FAM234A: variants seen among roughly 807,000 people sequenced by gnomAD.
FAM234A encodes the protein protein FAM234A.
A neutral mutation model predicts 49.1 loss-of-function variants in FAM234A; 42 were observed. That is an observed-to-expected ratio of 0.86 (90% CI 0.67 to 1.11). The LOEUF (loss-of-function observed/expected upper bound fraction) is 1.11. FAM234A is among the 50% of genes least tolerant of loss of function. FAM234A has a pLI of 0.00. For missense variants in FAM234A, 815 were observed against 745.2 expected (o/e 1.09, Z -1.09); for synonymous variants, 369 against 316.2 (o/e 1.17, Z -1.77).
At chr16:239,151 T>C (rs1402134791) in intron 1 of FAM234A, among the ~76,000 whole-genome samples, 1 of 110,734 alleles carries the variant, frequency 9.0e-6, no homozygotes, top group African/African-American at 3.7e-5. Context: ...ATACAAAAAA[T>C]TAGCCGGGCA....
At position 236,681 on chromosome 16, in the gene FAM234A, C is replaced by T. The variant is rs187536973; in HGVS notation, c.-140+1824C>T. The stretch of plus-strand genomic sequence containing the variant: ...CAGCACTTTGGGAGGGCGAGGCGGG[C>T]GGATCACGAGGTCAGGAGATCGAGA... On this transcript the variant is annotated intron_variant, in intron 1 of 12. Coordinates refer to ENST00000399932, the MANE Select transcript of FAM234A (RefSeq NM_032039.4). 5.1e-3 allele frequency among the ~76,000 whole-genome samples: 771 copies of T among 150,410 alleles called. 41 individuals carry two copies. The East Asian group carries it at 0.11, about 22-fold the overall frequency.
downstream of FAM234A, chr16:269,316 C>T (rs182698513): frequency 6.3e-7 from 1 of 1,597,992 alleles, no homozygotes; most frequent in African/African-American, 1.3e-5. Flanking sequence ...GCTGTGGGCT[C>T]CACAGGGGTG....
intron 1 of FAM234A, among the ~76,000 whole-genome samples, chr16:240,500 G>A (rs1304564402): frequency 3.4e-5 from 5 of 147,862 alleles, no homozygotes; most frequent in South Asian, 2.2e-4. Context: ...GCATCTGGGT[G>A]TATTTTTTTT....
In FAM234A at chr16:265,741, G is replaced by C; in HGVS notation, c.*719G>C. On this transcript the variant is annotated 3_prime_UTR_variant, in exon 13 of 13. Transcript: ENST00000399932. ...AGGTGTCCTTAGTGGTGTTGCAGCT[G>C]TCTACTGGCTGCATGTGCTGTGAAT... 1 of 985,622 alleles carries C rather than the reference G, an allele frequency of 1.0e-6. No homozygotes were observed. Among genetic ancestry groups the C allele is most frequent in the Non-Finnish European group, 1.2e-6 (1 of 830,096 alleles). 61.1% of individuals were successfully genotyped at this position (985,622 alleles called of 1,614,324 possible). A position where few individuals can be genotyped will look rare whatever the true frequency, so the allele number is the denominator to read the frequency against.
chr16:265,161 T>G lies in FAM234A; in HGVS notation c.*139T>G. The G allele has an allele frequency of 7.0e-7, 1 of 1,432,852 alleles. No individual in the cohort carries two copies. The highest frequency in any genetic ancestry group is 9.1e-7 in the Non-Finnish European group (1 of 1,097,032). The allele number at this position is 1,432,852 out of a possible 1,614,324, so 88.8% of individuals were successfully genotyped here. A position where few individuals can be genotyped will look rare whatever the true frequency, so the allele number is the denominator to read the frequency against. ...TGGTCGCCACTGGGCAGCAGCAGCC[T>G]TACCAGTCCTCCATGATCACACCCA... On this transcript the variant is annotated 3_prime_UTR_variant, in exon 13 of 13. Transcript: ENST00000399932.
intron 2 of FAM234A, among the ~76,000 whole-genome samples, chr16:251,688 T>TG (rs1392236467): frequency 6.7e-5 from 9 of 134,926 alleles, no homozygotes; most frequent in African/African-American, 3.1e-4. Context: ...GGTTTTTTTT[T>TG]TTTTTTTTTT....
intron 2 of FAM234A, 23 bp from the exon 3 acceptor site, chr16:254,358 G>T: frequency 6.3e-7 from 1 of 1,595,756 alleles, no homozygotes; most frequent in South Asian, 1.1e-5. Flanking sequence ...TGGCCTCGCC[G>T]ACCTCTTGCT....
chr16:245,459 G>A (rs955368384), intron 1 of FAM234A, among the ~76,000 whole-genome samples: 2 of 152,222 alleles, frequency 1.3e-5, no homozygotes, highest in Admixed American at 1.3e-4. Flanking sequence ...GTGCTCTTCA[G>A]TGAACTGCCC....
chr16:238,952 C>T (rs1453597184), intron 1 of FAM234A, among the ~76,000 whole-genome samples: 11 of 128,972 alleles, frequency 8.5e-5, no homozygotes, highest in South Asian at 2.7e-4. Flanking sequence ...TGTCATGGCA[C>T]GTGCCTGTAG....
intron 1 of FAM234A, among the ~76,000 whole-genome samples, chr16:236,019 G>A (rs947978315): frequency 1.3e-5 from 2 of 152,076 alleles, no homozygotes; most frequent in Admixed American, 1.3e-4. Context: ...TGCGTATGGT[G>A]GCAGGTGCCG....
At position 254,549 on chromosome 16, in the gene FAM234A, C is replaced by T. The variant is rs755791137; in HGVS notation, c.136C>T (p.Arg46Trp). Residue 46 changes from arginine to tryptophan, a missense_variant, in exon 3 of 13, where the codon CGG becomes TGG. Transcript: ENST00000399932. ...CGCGCCTCCACAGTCCCGGCTCTCC[C>T]GGTGCCGAGCGGCGGCGTTTTTTCT... is the stretch of plus-strand genomic sequence containing the variant. ...KSAPPQSRLS[R>W]CRAAAFFLSL... 14 of 1,614,240 alleles carry T rather than the reference C, an allele frequency of 8.7e-6. No individual in the cohort carries two copies. In the East Asian group the frequency reaches 1.6e-4, roughly 18 times the overall value.
At chr16:269,481 A>AC (rs2051817526), downstream of FAM234A, 2 of 1,611,332 alleles carry the variant, frequency 1.2e-6, no homozygotes, top group Non-Finnish European at 1.7e-6. Context: ...GCCGCCGGCC[A>AC]CAGGGCACTG....
rs759071082 is a variant in FAM234A, at chr16:257,236, CTTTTT to C, written c.269-2225_269-2221del. On this transcript the variant is annotated intron_variant, in intron 3 of 12. Coordinates refer to ENST00000399932, the MANE Select transcript of FAM234A (RefSeq NM_032039.4). ...TAAAAGCTTTTAGTTTCAATGAAGT[CTTTTT>C]TTTTTTTTTTTTTTTTTTTTTGGAG... is the stretch of plus-strand genomic sequence containing the variant. Among the ~76,000 whole-genome samples, 51 of 89,010 alleles carry C rather than the reference CTTTTT, an allele frequency of 5.7e-4. No homozygotes were observed. In the East Asian group the frequency reaches 0.012, roughly 20 times the overall value. The allele number at this position is 89,010 out of a possible 152,430, so 58.4% of individuals were successfully genotyped here.
chr16:264,210 G>A lies in FAM234A; in HGVS notation c.1344+39G>A, dbSNP rs114724570. The A allele has an allele frequency of 3.1e-4, 476 of 1,549,748 alleles. 1 individual carries two copies. The highest frequency in any genetic ancestry group is 2.1e-3 in the African/African-American group (157 of 74,014). On this transcript the variant is annotated intron_variant, in intron 11 of 12. Transcript: ENST00000399932. ...CCTCGGAGCAGCCATGCTGGGAGCC[G>A]GGGCCAGAGACCCAGGCTGGAGCTC...
intron 2 of FAM234A, among the ~76,000 whole-genome samples, 174 bp downstream of exon 2, chr16:249,828 T>A (rs964855026): frequency 6.6e-6 from 1 of 152,126 alleles, no homozygotes; most frequent in Admixed American, 6.5e-5. Flanking sequence ...GCTGCAATTT[T>A]AAAGCTCTTA....
chr16:265,877 G>A lies in FAM234A; in HGVS notation c.*855G>A, dbSNP rs575996501. Reference sequence around the variant, plus strand: ...GCCCCGTGCCCCAGGCATGGCAAGCGCCTGCCTCTCCCCTTCCGGTGCTCA... The same window carrying A: ...GCCCCGTGCCCCAGGCATGGCAAGCACCTGCCTCTCCCCTTCCGGTGCTCA... On this transcript the variant is annotated 3_prime_UTR_variant, in exon 13 of 13. Coordinates refer to ENST00000399932, the MANE Select transcript of FAM234A (RefSeq NM_032039.4). 17 of 986,040 alleles carry A rather than the reference G, an allele frequency of 1.7e-5. No individual in the cohort carries two copies. The Admixed American group carries it at 4.3e-4, about 25-fold the overall frequency. The allele number at this position is 986,040 out of a possible 1,614,324, so 61.1% of individuals were successfully genotyped here. A position where few individuals can be genotyped will look rare whatever the true frequency, so the allele number is the denominator to read the frequency against.
chr16:252,292 C>T (rs1472615502), intron 2 of FAM234A, among the ~76,000 whole-genome samples: 2 of 151,246 alleles, frequency 1.3e-5, no homozygotes, highest in Non-Finnish European at 2.9e-5. Flanking sequence ...AGCCATTCTC[C>T]TGCCTCAGCC....
At position 245,933 on chromosome 16, in the gene FAM234A, G is replaced by A. The variant is rs145102818; in HGVS notation, c.-139-3616G>A. On this transcript the variant is annotated intron_variant, in intron 1 of 12. Transcript: ENST00000399932. ...ATAATGTTTACATTTTTGGCCAGGC[G>A]CAGTGGCTCACGCCTGTAATCCCAG... 2.8e-3 allele frequency among the ~76,000 whole-genome samples: 431 copies of A among 152,070 alleles called. 1 individual carries two copies. Among genetic ancestry groups the A allele is most frequent in the Non-Finnish European group, 4.8e-3 (328 of 68,004 alleles).
At chr16:244,181 G>C (rs1451887453) in intron 1 of FAM234A, among the ~76,000 whole-genome samples, 1 of 152,086 alleles carries the variant, frequency 6.6e-6, no homozygotes, top group East Asian at 1.9e-4. Context: ...TGTTAGCTAG[G>C]ATGGTCTCGA....
Sources: allele counts gnomAD v4.1 joint callset (sites outside exome capture counted in the v4.1 genomes callset), GRCh38; gene constraint gnomAD v4.1.1; transcripts MANE v1.5; gene names NCBI Gene and HGNC (gene_info 2026-07-23, HGNC 2026-07-21).